The following OTUD7A variants were observed in gnomAD, a reference collection of about 807,000 sequenced individuals.
OTUD7A encodes OTU deubiquitinase 7A, also known as OTU domain-containing protein 7A.
Under a neutral mutation model 65.7 loss-of-function variants are expected in OTUD7A, and 12 were observed. The ratio of observed to expected loss-of-function variants is 0.18; its 90% confidence interval spans 0.12 to 0.30. The LOEUF is 0.30. Ranked by LOEUF, OTUD7A falls within the 10% of genes least tolerant of loss-of-function variation. The pLI is 1.00. For missense variants in OTUD7A, 1,148 were observed against 1,304.8 expected (o/e 0.88, Z 1.85); for synonymous variants, 641 against 586.3 (o/e 1.09, Z -1.35).
intron 3 of OTUD7A, among the ~76,000 whole-genome samples, chr15:31,653,300 C>T (rs957212578): frequency 6.6e-6 from 1 of 151,454 alleles, no homozygotes; most frequent in Non-Finnish European, 1.5e-5. Context: ...ACTATATTCA[C>T]AAAATCCTGT....
intron 3 of OTUD7A, among the ~76,000 whole-genome samples, chr15:31,654,673 A>C (rs1449336085): frequency 6.6e-6 from 1 of 152,204 alleles, no homozygotes; most frequent in African/African-American, 2.4e-5. Context: ...ACATATCTGA[A>C]AACATCATAC....
chr15:31,491,943 T>A (rs1157350455), intron 10 of OTUD7A, among the ~76,000 whole-genome samples: 1 of 151,546 alleles, frequency 6.6e-6, no homozygotes, highest in Admixed American at 6.6e-5. Context: ...GAAGAAGACA[T>A]AAAGAGTTTT....
chr15:31,846,157 T>G (rs1308941263), intron 1 of OTUD7A, among the ~76,000 whole-genome samples: 1 of 152,238 alleles, frequency 6.6e-6, no homozygotes, highest in Non-Finnish European at 1.5e-5. Context: ...GACTCTGCTC[T>G]TATTTCCAGT....
At chr15:31,779,551 A>G (rs756865013) in intron 1 of OTUD7A, among the ~76,000 whole-genome samples, 4 of 152,238 alleles carry the variant, frequency 2.6e-5, no homozygotes, top group Non-Finnish European at 4.4e-5. Flanking sequence ...ACGGTAAAGA[A>G]GCAGGTAGAA....
chr15:31,849,266 G>C (rs541341530), intron 1 of OTUD7A, among the ~76,000 whole-genome samples: 68 of 152,284 alleles, frequency 4.5e-4, no homozygotes, highest in African/African-American at 7.2e-4. Context: ...ACAACCATCT[G>C]ATCTTTGACA....
intron 1 of OTUD7A, among the ~76,000 whole-genome samples, chr15:31,728,854 T>C (rs1156375395): frequency 2.0e-5 from 3 of 152,166 alleles, no homozygotes; most frequent in Non-Finnish European, 2.9e-5. Flanking sequence ...GGACTATGTC[T>C]GTCATTCTCC....
intron 3 of OTUD7A, among the ~76,000 whole-genome samples, chr15:31,633,023 ACCC>A (rs142369354): frequency 3.2e-4 from 48 of 152,130 alleles, no homozygotes; most frequent in African/African-American, 1.1e-3. Flanking sequence ...GCCGTCTGTC[ACCC>A]CTTTCTTTGA....
At chr15:31,858,348 A>C (rs2141012643) in intron 1 of OTUD7A, among the ~76,000 whole-genome samples, 1 of 152,304 alleles carries the variant, frequency 6.6e-6, no homozygotes, top group East Asian at 1.9e-4. Flanking sequence ...CTTGCTGTGC[A>C]GTGTGGCTAG....
chr15:31,788,950 G>A (rs146478613), intron 1 of OTUD7A, among the ~76,000 whole-genome samples: 1 of 152,236 alleles, frequency 6.6e-6, no homozygotes, highest in Non-Finnish European at 1.5e-5. Context: ...CAAGGCCATA[G>A]GATTCCTAAA....
intron 1 of OTUD7A, among the ~76,000 whole-genome samples, chr15:31,735,154 A>G (rs1446342749): frequency 6.6e-6 from 1 of 152,242 alleles, no homozygotes; most frequent in Non-Finnish European, 1.5e-5. Context: ...GTTCAATATC[A>G]CTGATCATTA....
rs149160752 is a variant in OTUD7A at position 31,526,264 on chromosome 15, C to G, written c.893+85G>C. On this transcript the variant is annotated intron_variant, in intron 8 of 12. Coordinates refer to ENST00000307050, the MANE Select transcript of OTUD7A (RefSeq NM_001382637.1). ...ACAGCACAAGAGTCCCACATTCCCCCCCGTGCCATCCCCCCATGCTGTGTG... is the reference window on the plus strand; with the variant it reads ...ACAGCACAAGAGTCCCACATTCCCCGCCGTGCCATCCCCCCATGCTGTGTG... 1.9e-3 allele frequency: 2,494 copies of G among 1,293,268 alleles called. 9 individuals carry two copies. The highest frequency in any genetic ancestry group is 2.2e-3 in the Non-Finnish European group (2,140 of 957,608). The allele number at this position is 1,293,268 out of a possible 1,614,324, so 80.1% of individuals were successfully genotyped here.
chr15:31,815,144 T>G (rs1194537466), intron 1 of OTUD7A, among the ~76,000 whole-genome samples: 8 of 152,190 alleles, frequency 5.3e-5, no homozygotes, highest in Non-Finnish European at 1.0e-4. Context: ...TCTAGGGTGC[T>G]GTATCTAAAT....
rs72709341 is a variant in OTUD7A at position 31,744,092 on chromosome 15, T to G, written c.-99-87015A>C. 3.0e-3 allele frequency among the ~76,000 whole-genome samples: 457 copies of G among 152,348 alleles called. 1 individual carries two copies. Among genetic ancestry groups the G allele is most frequent in the Non-Finnish European group, 4.9e-3 (335 of 68,020 alleles). Reference sequence around the variant, plus strand: ...AGAAAATCTGAACTGCATATTTTATTCTGAATCTGTATCTGCTAAGAAAAT... The same window carrying G: ...AGAAAATCTGAACTGCATATTTTATGCTGAATCTGTATCTGCTAAGAAAAT... On this transcript the variant is annotated intron_variant, in intron 1 of 12. Transcript: ENST00000307050.
intron 10 of OTUD7A, among the ~76,000 whole-genome samples, chr15:31,493,234 A>T (rs1273057752): frequency 6.6e-6 from 1 of 152,206 alleles, no homozygotes; most frequent in Non-Finnish European, 1.5e-5. Flanking sequence ...AGAGAGCTAG[A>T]GTAGCCATAT....
intron 1 of OTUD7A, among the ~76,000 whole-genome samples, chr15:31,763,950 G>T (rs1043609805): frequency 8.5e-5 from 13 of 152,178 alleles, no homozygotes; most frequent in Admixed American, 1.3e-4. Context: ...CTTCAAGAAT[G>T]GGGAGGAAAC....
At chr15:31,745,899 G>C (rs1181420807) in intron 1 of OTUD7A, among the ~76,000 whole-genome samples, 1 of 152,058 alleles carries the variant, frequency 6.6e-6, no homozygotes, top group Non-Finnish European at 1.5e-5. Flanking sequence ...GAACTTAAAA[G>C]GAAGATATAC....
chr15:31,534,908 C>A (rs1031719904), intron 5 of OTUD7A, among the ~76,000 whole-genome samples: 1 of 152,072 alleles, frequency 6.6e-6, no homozygotes, highest in Non-Finnish European at 1.5e-5. Context: ...TAATTTTGAT[C>A]CTCACTTGGT....
At chr15:31,777,364 G>A (rs1363959334) in intron 1 of OTUD7A, among the ~76,000 whole-genome samples, 1 of 152,174 alleles carries the variant, frequency 6.6e-6, no homozygotes, top group Non-Finnish European at 1.5e-5. Context: ...GTACCCCAAT[G>A]ACTTGTACTT....
chr15:31,793,704 C>T (rs992343204), intron 1 of OTUD7A, among the ~76,000 whole-genome samples: 3 of 152,210 alleles, frequency 2.0e-5, no homozygotes, highest in African/African-American at 7.2e-5. Context: ...CATTTGATTG[C>T]CTTCCATTGC....
Sources: allele counts gnomAD v4.1 joint callset (sites outside exome capture counted in the v4.1 genomes callset), GRCh38; gene constraint gnomAD v4.1.1; transcripts MANE v1.5; gene names NCBI Gene and HGNC (gene_info 2026-07-23, HGNC 2026-07-21).